The following SLC6A2 variants were observed in gnomAD, a reference collection of about 807,000 sequenced individuals.
SLC6A2 encodes solute carrier family 6 member 2.
Under a neutral mutation model 71.7 loss-of-function variants are expected in SLC6A2, and 26 were observed. That is an observed-to-expected ratio of 0.36 (90% CI 0.27 to 0.50). The LOEUF (loss-of-function observed/expected upper bound fraction) is 0.50, where lower values mean the gene tolerates loss of function less well. Ranked by LOEUF, SLC6A2 falls within the 20% of genes least tolerant of loss-of-function variation. The pLI is 0.96. For missense variants in SLC6A2, 581 were observed against 803.9 expected, an observed-to-expected ratio of 0.72 and a Z score of 3.35; for synonymous variants, 363 against 337.9, an observed-to-expected ratio of 1.07 and a Z score of -0.82.
At position 55,672,190 on chromosome 16, in the gene SLC6A2, C is replaced by G. The variant is rs1170138963; in HGVS notation, c.644+15C>G. ...GAGTTTTATGAGTAAGTCACAGACC[C>G]CTTGTGCTGGGCCTGTTGAGGCCAG... On this transcript the variant is annotated intron_variant, in intron 4 of 14. Transcript: ENST00000568943. 1.2e-6 allele frequency: 2 copies of G among 1,614,004 alleles called. No individual in the cohort carries two copies. The highest frequency in any genetic ancestry group is 1.7e-6 in the Non-Finnish European group (2 of 1,180,022).
chr16:55,700,346 G>A (rs769453489), intron 13 of SLC6A2, 40 bp downstream of exon 13: 6 of 1,565,312 alleles, frequency 3.8e-6, no homozygotes, highest in South Asian at 1.1e-5. Flanking sequence ...GGTGGGAGGG[G>A]GCTGAGGGGG....
chr16:55,697,628 TCAGGAGA>T (rs537612275), intron 9 of SLC6A2, among the ~76,000 whole-genome samples: 43 of 152,300 alleles, frequency 2.8e-4, no homozygotes, highest in Non-Finnish European at 5.7e-4. Context: ...TGAGTGAGTG[TCAGGAGA>T]CAGGTAGCTG....
intron 2 of SLC6A2, among the ~76,000 whole-genome samples, chr16:55,664,863 A>T (rs1339432344): frequency 6.6e-6 from 1 of 152,114 alleles, no homozygotes; most frequent in African/African-American, 2.4e-5. Flanking sequence ...ATGGGAGCCA[A>T]GTGTGCCTGC....
chr16:55,695,785 C>G (rs1283957175), intron 8 of SLC6A2, among the ~76,000 whole-genome samples: 6 of 152,172 alleles, frequency 3.9e-5, no homozygotes, highest in Admixed American at 3.3e-4. Context: ...TGGCGTCACC[C>G]AGCTAGTGAG....
intron 2 of SLC6A2, among the ~76,000 whole-genome samples, chr16:55,661,639 G>A (rs1964612605): frequency 6.6e-6 from 1 of 152,206 alleles, no homozygotes; most frequent in African/African-American, 2.4e-5. Flanking sequence ...CTGGAAAATA[G>A]TCCCACTTGG....
At chr16:55,690,524 A>G (rs915073419) in intron 5 of SLC6A2, among the ~76,000 whole-genome samples, 4 of 152,130 alleles carry the variant, frequency 2.6e-5, no homozygotes, top group African/African-American at 9.7e-5. Context: ...TGAGGGGTGG[A>G]ACCATCTGGC....
At chr16:55,698,130 A>G (rs1231285917) in intron 10 of SLC6A2, 105 bp downstream of exon 10, 4 of 1,274,716 alleles carry the variant, frequency 3.1e-6, no homozygotes, top group Middle Eastern at 4.0e-4. Context: ...CAGGGAGAAC[A>G]ATGCAGGATC....
At chr16:55,671,538 G>T in intron 3 of SLC6A2, 1 of 401,910 alleles carries the variant, frequency 2.5e-6, no homozygotes, top group Non-Finnish European at 4.5e-6. Flanking sequence ...GGTAAGTGAA[G>T]CTTCATCTGT....
intron 4 of SLC6A2, among the ~76,000 whole-genome samples, chr16:55,682,642 G>A (rs1368062593): frequency 2.0e-5 from 3 of 152,192 alleles, no homozygotes; most frequent in Non-Finnish European, 4.4e-5. Flanking sequence ...CCCTGATCTT[G>A]CAGAAACAGG....
At chr16:55,671,860 G>T in intron 3 of SLC6A2, 78 bp from the exon 4 acceptor site, 1 of 1,604,808 alleles carries the variant, frequency 6.2e-7, no homozygotes, top group Non-Finnish European at 8.5e-7. Context: ...GGAGTGCAGT[G>T]GTGGAGCCAC....
rs11568343 is a variant in SLC6A2, at chr16:55,671,926, G to C, written c.407-12G>C. On this transcript the variant is annotated splice_polypyrimidine_tract_variant and intron_variant, in intron 3 of 14. Transcript: ENST00000568943. ...CTGGGAGACTCCTACCTTACCCCCT[G>C]TCCCTGCCCAGGCGTTGGCTATGCT... The C allele has an allele frequency of 3.7e-6, 6 of 1,613,884 alleles. No homozygotes were observed. Among genetic ancestry groups the C allele is most frequent in the Non-Finnish European group, 4.2e-6 (5 of 1,179,962 alleles).
In SLC6A2 at chr16:55,656,895, G is replaced by C; in HGVS notation, c.201G>C (p.Leu67=). ...GGGGCAAGAAGATCGACTTCCTGCTGTCCGTAGTCGGCTTCGCAGTGGACC... is the reference window on the plus strand; with the variant it reads ...GGGGCAAGAAGATCGACTTCCTGCTCTCCGTAGTCGGCTTCGCAGTGGACC... ...ETWGKKIDFL[L]SVVGFAVDLA... The change falls in exon 2 of 15, where the codon CTG becomes CTC. Residue 67 remains leucine (L), a synonymous_variant. Coordinates refer to ENST00000568943, the MANE Select transcript of SLC6A2 (RefSeq NM_001172501.3). This position sits in a 1 kb window ranked among gnomAD's most constrained non-coding sequence, Gnocchi z 4.5. 1 of 1,614,076 alleles carries C rather than the reference G, an allele frequency of 6.2e-7. No individual in the cohort carries two copies. Among genetic ancestry groups the C allele is most frequent in the Non-Finnish European group, 8.5e-7 (1 of 1,179,966 alleles).
Position 55,700,276 on chromosome 16 carries a change from GT to G in SLC6A2, c.1730del (p.Phe577SerfsTer90). 1 of 1,613,856 alleles carries G rather than the reference GT, an allele frequency of 6.2e-7. No homozygotes were observed. Among genetic ancestry groups the G allele is most frequent in the Non-Finnish European group, 8.5e-7 (1 of 1,179,924 alleles). ...VLVPIYVIYK[F>X]LSTQGSLWER... ...TGGTGCCCATCTACGTCATCTATAA[GT>G]TCCTCAGCACGCAGGGCTCTCTTTG... On this transcript the variant is annotated frameshift_variant, in exon 13 of 15. Transcript: ENST00000568943. LOFTEE classifies it high-confidence loss of function.
intron 2 of SLC6A2, among the ~76,000 whole-genome samples, chr16:55,658,614 A>G (rs1964524939): frequency 6.6e-6 from 1 of 152,168 alleles, no homozygotes; most frequent in Non-Finnish European, 1.5e-5. Context: ...CGAGAAAGTT[A>G]ACCCAAGGTT....
At chr16:55,689,031 G>T (rs1268418536) in intron 5 of SLC6A2, among the ~76,000 whole-genome samples, 1 of 152,162 alleles carries the variant, frequency 6.6e-6, no homozygotes, top group South Asian at 2.1e-4. Context: ...AGACCAATGG[G>T]CTGCTCATTG....
intron 2 of SLC6A2, among the ~76,000 whole-genome samples, chr16:55,660,702 A>G (rs1284051116): frequency 3.3e-5 from 5 of 152,110 alleles, no homozygotes; most frequent in African/African-American, 1.2e-4. Context: ...ATAGGTGAAC[A>G]TGACCTGAGA....
intron 4 of SLC6A2, among the ~76,000 whole-genome samples, chr16:55,681,894 G>A (rs1262547433): frequency 6.6e-6 from 1 of 152,080 alleles, no homozygotes; most frequent in African/African-American, 2.4e-5. Flanking sequence ...TAACACTTTA[G>A]TGTAAATTTG....
intron 5 of SLC6A2, among the ~76,000 whole-genome samples, chr16:55,689,401 G>A (rs552331463): frequency 1.3e-5 from 2 of 152,320 alleles, no homozygotes; most frequent in East Asian, 3.9e-4. Flanking sequence ...CTCAGTCATG[G>A]CCTGATGTAT....
At chr16:55,660,474 C>G (rs974962540) in intron 2 of SLC6A2, among the ~76,000 whole-genome samples, 2 of 152,220 alleles carry the variant, frequency 1.3e-5, no homozygotes. Flanking sequence ...TGGGCTTTAT[C>G]TCTGCGGAGG....
Sources: gnomAD v4.1 joint callset for allele counts (sites outside exome capture counted in the v4.1 genomes callset) on GRCh38, gnomAD v4.1.1 for gene constraint, Gnocchi (gnomAD v3.1) non-coding constraint, MANE v1.5 for transcripts, NCBI Gene and HGNC (gene_info 2026-07-23, HGNC 2026-07-21) for gene names.